Variants in RHOBTB1 observed in about 807,000 individuals in gnomAD.
RHOBTB1 encodes the protein rho-related BTB domain-containing protein 1.
In RHOBTB1, 40 loss-of-function variants were observed where a neutral mutation model predicts 71.6. The observed-to-expected ratio is 0.56, with a 90% CI of 0.43 to 0.73. RHOBTB1 has a LOEUF of 0.73. RHOBTB1 is among the 30% of genes least tolerant of loss of function. RHOBTB1 has a pLI of 0.00. For synonymous variants in RHOBTB1, 319 were observed against 334.9 expected (o/e 0.95, Z 0.52); for missense variants, 797 against 894.0 (o/e 0.89, Z 1.38).
chr10:60,953,706 T>C (rs1274824913), intron 2 of RHOBTB1, among the ~76,000 whole-genome samples: 2 of 152,186 alleles, frequency 1.3e-5, no homozygotes, highest in East Asian at 3.8e-4. Flanking sequence ...AACAGTATCT[T>C]GTTTATACTG....
intron 2 of RHOBTB1, among the ~76,000 whole-genome samples, chr10:60,913,592 T>G (rs1226281777): frequency 1.3e-5 from 2 of 152,180 alleles, no homozygotes; most frequent in African/African-American, 2.4e-5. Flanking sequence ...CAGGGAACAC[T>G]GCAGTGTCTG....
intron 2 of RHOBTB1, among the ~76,000 whole-genome samples, chr10:60,935,779 C>T (rs796733843): frequency 1.3e-5 from 2 of 152,128 alleles, no homozygotes; most frequent in South Asian, 2.1e-4. Context: ...CTGGTTATTT[C>T]TATTTACTAT....
chr10:60,877,878 C>T (rs762821736), intron 8 of RHOBTB1, 30 bp downstream of exon 8: 1 of 1,581,434 alleles, frequency 6.3e-7, no homozygotes, highest in South Asian at 1.2e-5. Flanking sequence ...ATATGACAGA[C>T]ACTGCATGGC....
intron 2 of RHOBTB1, among the ~76,000 whole-genome samples, chr10:60,971,294 A>G (rs2086147655): frequency 6.6e-6 from 1 of 152,138 alleles, no homozygotes; most frequent in South Asian, 2.1e-4. Flanking sequence ...ACTTCAAACC[A>G]TACTACAAGG....
chr10:60,868,894 G>C (rs149414839), downstream of RHOBTB1, among the ~76,000 whole-genome samples: 1 of 152,180 alleles, frequency 6.6e-6, no homozygotes, highest in African/African-American at 2.4e-5. Flanking sequence ...TCTTACAGTG[G>C]TCAGCACCTT....
intron 4 of RHOBTB1, among the ~76,000 whole-genome samples, chr10:60,906,118 T>C (rs985293228): frequency 6.6e-6 from 1 of 152,054 alleles, no homozygotes; most frequent in African/African-American, 2.4e-5. Flanking sequence ...AGATAATAAA[T>C]GGGTTCTAAC....
intron 2 of RHOBTB1, among the ~76,000 whole-genome samples, chr10:60,960,076 T>C (rs1165038654): frequency 6.6e-6 from 1 of 152,198 alleles, no homozygotes; most frequent in Non-Finnish European, 1.5e-5. Flanking sequence ...ATTCTGTGTA[T>C]CCTGCCTATC....
Position 60,892,888 on chromosome 10 carries a change from A to G in RHOBTB1, c.404T>C (p.Val135Ala), listed in dbSNP as rs768953750. The G allele has an allele frequency of 1.6e-5, 26 of 1,613,986 alleles. No individual in the cohort carries two copies. The highest frequency in any genetic ancestry group is 2.1e-5 in the Non-Finnish European group (25 of 1,179,994). Residue 135 changes from valine (V) to alanine (A), a missense_variant, in exon 5 of 11, where the codon GTT becomes GCT. This residue lies in a region of RHOBTB1 where 139 missense variants were observed against 212.5 expected (regional missense o/e 0.65). Transcript: ENST00000337910. Reference sequence around the variant, plus strand: ...ATCAAGCTGGCACCCAACAAGGATAACGGGTGTTCGAGGGCAAAAGTGCTT... The same window carrying G: ...ATCAAGCTGGCACCCAACAAGGATAGCGGGTGTTCGAGGGCAAAAGTGCTT... ...EIKHFCPRTP[V>A]ILVGCQLDLR...
downstream of RHOBTB1, among the ~76,000 whole-genome samples, chr10:60,868,060 CT>C (rs2080646986): frequency 6.6e-6 from 1 of 152,106 alleles, no homozygotes; most frequent in Non-Finnish European, 1.5e-5. Context: ...TCCCTTCCTT[CT>C]TTTTTTCTTT....
intron 2 of RHOBTB1, among the ~76,000 whole-genome samples, chr10:60,965,946 G>A (rs998782082): frequency 2.0e-5 from 3 of 152,104 alleles, no homozygotes; most frequent in African/African-American, 7.2e-5. Context: ...CTCATCGGGG[G>A]AAGTGGTTGG....
chr10:60,975,731 A>G (rs1242010158), intron 2 of RHOBTB1, among the ~76,000 whole-genome samples: 1 of 152,104 alleles, frequency 6.6e-6, no homozygotes, highest in Non-Finnish European at 1.5e-5. Context: ...TTTTCCATAT[A>G]AGCATCTCTC....
At chr10:60,993,185 C>A (rs894667139) in intron 1 of RHOBTB1, among the ~76,000 whole-genome samples, 1 of 152,184 alleles carries the variant, frequency 6.6e-6, no homozygotes, top group Non-Finnish European at 1.5e-5. Flanking sequence ...ATTGCACCAG[C>A]TCCATCTCTT....
intron 2 of RHOBTB1, among the ~76,000 whole-genome samples, chr10:60,961,447 C>CA (rs1172509138): frequency 6.6e-6 from 1 of 152,136 alleles, no homozygotes; most frequent in Non-Finnish European, 1.5e-5. Flanking sequence ...ATAATAACAC[C>CA]ATTGTGAATA....
intron 2 of RHOBTB1, among the ~76,000 whole-genome samples, chr10:60,967,843 G>C (rs1406657659): frequency 6.6e-6 from 1 of 152,004 alleles, no homozygotes; most frequent in Non-Finnish European, 1.5e-5. Context: ...TGTGAGATTT[G>C]GTCATATTAC....
intron 4 of RHOBTB1, among the ~76,000 whole-genome samples, chr10:60,894,528 T>C (rs953533446): frequency 1.2e-4 from 18 of 152,220 alleles, no homozygotes; most frequent in South Asian, 2.1e-4. Flanking sequence ...CAGTCTTACT[T>C]ACAATCAGCA....
upstream of RHOBTB1, among the ~76,000 whole-genome samples, chr10:60,945,628 C>T (rs2085193036): frequency 6.6e-6 from 1 of 152,206 alleles, no homozygotes; most frequent in Non-Finnish European, 1.5e-5. Flanking sequence ...TGCTTGTATT[C>T]TCTTGAAGTC....
chr10:60,892,635 G>A (rs1057502534), intron 5 of RHOBTB1, among the ~76,000 whole-genome samples, 175 bp downstream of exon 5: 8 of 152,134 alleles, frequency 5.3e-5, no homozygotes, highest in Non-Finnish European at 8.8e-5. Context: ...AGATGATGGT[G>A]CCTGTTAGAA....
intron 2 of RHOBTB1, among the ~76,000 whole-genome samples, chr10:60,976,182 A>G (rs1279196439): frequency 6.6e-6 from 1 of 152,026 alleles, no homozygotes; most frequent in African/African-American, 2.4e-5. Flanking sequence ...ACGGTGGCAC[A>G]TAAGGAAAGC....
At position 60,957,838 on chromosome 10, in the gene RHOBTB1, C is replaced by G. The variant is rs116585978; in HGVS notation, c.-61-15984G>C. Among the ~76,000 whole-genome samples, 1,195 of 152,220 alleles carry G rather than the reference C, an allele frequency of 7.9e-3. 10 individuals carry two copies. The highest frequency in any genetic ancestry group is 0.028 in the African/African-American group (1,143 of 41,534). On this transcript the variant is annotated intron_variant, in intron 2 of 11. Coordinates refer to the RHOBTB1 transcript ENST00000357917. ...TATCTCCTTTACCATTCCCACTGTA[C>G]GGACAGGAAAGCTGAGGTATGGGAG...
Sources: gnomAD v4.1 joint callset for allele counts (sites outside exome capture counted in the v4.1 genomes callset) on GRCh38, gnomAD v4.1.1 for gene constraint, gnomAD v4.1.1 regional missense constraint, MANE v1.5 for transcripts, NCBI Gene and HGNC (gene_info 2026-07-23, HGNC 2026-07-21) for gene names.